The following MMRN2 variants were observed in gnomAD, a reference collection of about 807,000 sequenced individuals.
The protein encoded by MMRN2 is multimerin 2.
In MMRN2, 53 loss-of-function variants were observed where a neutral mutation model predicts 68.8. The ratio of observed to expected loss-of-function variants is 0.77; its 90% CI spans 0.62 to 0.97. The LOEUF (loss-of-function observed/expected upper bound fraction) is 0.97, where lower values mean the gene tolerates loss of function less well. MMRN2 is among the 50% of genes least tolerant of loss of function. The pLI is 0.00. For synonymous variants in MMRN2, 564 were observed against 551.6 expected (o/e 1.02, Z -0.32); for missense variants, 1,266 against 1,259.5 (o/e 1.01, Z -0.08).
Position 86,943,806 on chromosome 10 carries a change from G to C in MMRN2, c.978C>G (p.Ile326Met), listed in dbSNP as rs1844021440. 1.2e-6 allele frequency: 2 copies of C among 1,610,356 alleles called. No individual in the cohort carries two copies. Among genetic ancestry groups the C allele is most frequent in the Non-Finnish European group, 1.7e-6 (2 of 1,180,008 alleles). ...HAQHFTLHRS[I>M]SELQADVDTK... Reference sequence around the variant, plus strand: ...TGTCCACATCGGCTTGGAGCTCTGAGATCGAGCGGTGCAGGGTAAAGTGCT... The same window carrying C: ...TGTCCACATCGGCTTGGAGCTCTGACATCGAGCGGTGCAGGGTAAAGTGCT... Residue 326 changes from isoleucine (I) to methionine (M), a missense_variant, in exon 6 of 7, where the codon ATC becomes ATG. By Grantham distance (10) the Ile-to-Met change is conservative. Transcript: ENST00000372027. The surrounding 1 kb of genome is among the most constrained non-coding windows in gnomAD (Gnocchi z 4.2).
intron 6 of MMRN2, among the ~76,000 whole-genome samples, chr10:86,938,096 G>A (rs1311458088): frequency 6.6e-6 from 1 of 152,114 alleles, no homozygotes; most frequent in Non-Finnish European, 1.5e-5. Flanking sequence ...CATCATGCCT[G>A]GCTAATTTTT....
chr10:86,950,614 T>C (rs369387475), intron 1 of MMRN2, among the ~76,000 whole-genome samples: 164 of 152,242 alleles, frequency 1.1e-3, no homozygotes, highest in Non-Finnish European at 1.8e-3. Context: ...GCAGTTCACA[T>C]TGGAACACAC....
intron 5 of MMRN2, 42 bp from the exon 6 acceptor site, chr10:86,944,170 G>T: frequency 6.3e-7 from 1 of 1,599,618 alleles, no homozygotes; most frequent in South Asian, 1.1e-5. Flanking sequence ...TGCAGGAGCA[G>T]ACACTCCTCC....
At chr10:86,953,147 G>A (rs1564735056) in intron 1 of MMRN2, among the ~76,000 whole-genome samples, 2 of 152,084 alleles carry the variant, frequency 1.3e-5, no homozygotes, top group African/African-American at 4.8e-5. Context: ...AAGGTGCACT[G>A]ATATCATATT....
At chr10:86,942,018 G>C (rs993500235) in intron 6 of MMRN2, among the ~76,000 whole-genome samples, 1 of 152,062 alleles carries the variant, frequency 6.6e-6, no homozygotes, top group Non-Finnish European at 1.5e-5. Flanking sequence ...AGGAGGCGAT[G>C]CCCTCTCTGT....
chr10:86,936,475 C>T lies in MMRN2; in HGVS notation c.*268G>A, dbSNP rs943482028. The T allele has an allele frequency of 1.1e-4, 59 of 551,436 alleles. No individual in the cohort carries two copies. The highest frequency in any genetic ancestry group is 5.8e-4 in the African/African-American group (31 of 53,412). The allele number at this position is 551,436 out of a possible 1,614,324, so 34.2% of individuals were successfully genotyped here. On this transcript the variant is annotated 3_prime_UTR_variant, in exon 7 of 7. Transcript: ENST00000372027. ...TGTGGTGAAGAGTTGGAGCCCAGGC[C>T]GTGCTGTCTGAGAAGGCATGCCAAG...
chr10:86,951,142 C>A (rs566747859), intron 1 of MMRN2, among the ~76,000 whole-genome samples: 126 of 152,256 alleles, frequency 8.3e-4, no homozygotes, highest in Non-Finnish European at 1.3e-3. Flanking sequence ...CAAGCATGTT[C>A]TTTAGTGATA....
chr10:86,956,670 G>A (rs933302806), intron 1 of MMRN2, among the ~76,000 whole-genome samples: 17 of 152,226 alleles, frequency 1.1e-4, no homozygotes, highest in African/African-American at 3.9e-4. Flanking sequence ...GGGGCTGTTG[G>A]AGGGATGAAC....
At chr10:86,946,587 G>A (rs1321057650) in intron 1 of MMRN2, among the ~76,000 whole-genome samples, 1 of 152,162 alleles carries the variant, frequency 6.6e-6, no homozygotes, top group Admixed American at 6.5e-5. Flanking sequence ...TCCCAGGAGC[G>A]GGGGGACACT....
intron 1 of MMRN2, among the ~76,000 whole-genome samples, chr10:86,951,797 C>A (rs1234790882): frequency 6.6e-6 from 1 of 152,202 alleles, no homozygotes; most frequent in East Asian, 1.9e-4. Context: ...CCTGTAATCC[C>A]AGCACTTTGG....
intron 6 of MMRN2, among the ~76,000 whole-genome samples, chr10:86,940,680 T>C (rs1225530497): frequency 1.3e-5 from 2 of 152,212 alleles, no homozygotes; most frequent in Non-Finnish European, 2.9e-5. Flanking sequence ...TCTTGGGCCA[T>C]AGGGAGGGTC....
In MMRN2 at chr10:86,945,379, C is replaced by G. The variant is rs145900392; in HGVS notation, c.391G>C (p.Glu131Gln). 2 of 1,592,036 alleles carry G rather than the reference C, an allele frequency of 1.3e-6. No individual in the cohort carries two copies. Among genetic ancestry groups the G allele is most frequent in the Non-Finnish European group, 1.7e-6 (2 of 1,168,722 alleles). Reference protein sequence around the residue: ...CCPGYTGPNCEHHDSMAIPEP... With the variant: ...CCPGYTGPNCQHHDSMAIPEP... ...CCGCAGGGAGCCCTACCGTGGTGCT[C>G]GCAGTTGGGGCCCGTGTAGCCAGGG... is the stretch of plus-strand genomic sequence containing the variant. Residue 131 changes from glutamate to glutamine, a missense_variant, in exon 3 of 7, where the codon GAG (glutamate) becomes CAG (glutamine). Glu to Gln is a conservative substitution (Grantham distance 29). Coordinates refer to ENST00000372027, the MANE Select transcript of MMRN2 (RefSeq NM_024756.3).
intron 6 of MMRN2, among the ~76,000 whole-genome samples, chr10:86,941,135 G>T (rs78594290): frequency 0.065 from 9,859 of 152,254 alleles, 468 homozygotes; most frequent in South Asian, 0.092. Context: ...GGCCATTGTG[G>T]TAAAGCCCAG....
chr10:86,937,204 CCT>C (rs1843893279), intron 6 of MMRN2, 79 bp from the exon 7 acceptor site: 1 of 1,480,724 alleles, frequency 6.8e-7, no homozygotes, highest in African/African-American at 1.4e-5. Flanking sequence ...GACCTACCGT[CCT>C]CACCTTATTA....
intron 6 of MMRN2, among the ~76,000 whole-genome samples, chr10:86,939,833 G>T (rs376749783): frequency 0.036 from 4,583 of 126,300 alleles, 128 homozygotes; most frequent in Admixed American, 0.11. Flanking sequence ...GTGTGTGTGT[G>T]TGTGTTTGTG....
At chr10:86,953,641 G>T (rs1024569846) in intron 1 of MMRN2, among the ~76,000 whole-genome samples, 2 of 152,180 alleles carry the variant, frequency 1.3e-5, no homozygotes, top group African/African-American at 4.8e-5. Context: ...GCCCAAAGAT[G>T]CTGCCAAATA....
At chr10:86,942,183 G>A (rs1002058518) in intron 6 of MMRN2, 134 bp downstream of exon 6, 135 of 1,055,714 alleles carry the variant, frequency 1.3e-4, no homozygotes, top group East Asian at 2.4e-4. Flanking sequence ...GGGCCAAGGG[G>A]AAGGTGGACC....
chr10:86,942,744 G>T lies in MMRN2; in HGVS notation c.2040C>A (p.Pro680=). 1 of 1,406,210 alleles carries T rather than the reference G, an allele frequency of 7.1e-7. No individual in the cohort carries two copies. The highest frequency in any genetic ancestry group is 9.2e-7 in the Non-Finnish European group (1 of 1,088,364). 87.1% of individuals were successfully genotyped at this position (1,406,210 alleles called of 1,614,324 possible). ...EPPRPAEHLE[P]SHDAGREEAA... Reference sequence around the variant, plus strand: ...CCTCCTCGCGGCCCGCGTCGTGGCTGGGCTCCAGGTGCTCTGCCGGCCGCG... The same window carrying T: ...CCTCCTCGCGGCCCGCGTCGTGGCTTGGCTCCAGGTGCTCTGCCGGCCGCG... The change falls in exon 6 of 7, where the codon CCC becomes CCA. Residue 680 remains proline (P), a synonymous_variant. Transcript: ENST00000372027.
At chr10:86,957,083 C>G (rs1443891495) in intron 1 of MMRN2, among the ~76,000 whole-genome samples, 4 of 152,212 alleles carry the variant, frequency 2.6e-5, no homozygotes, top group African/African-American at 7.2e-5. Flanking sequence ...TGGCTTCAGC[C>G]ACAGTCCCCC....
Sources: gnomAD v4.1 joint callset for allele counts (sites outside exome capture counted in the v4.1 genomes callset) on GRCh38, gnomAD v4.1.1 for gene constraint, Gnocchi (gnomAD v3.1) non-coding constraint, MANE v1.5 for transcripts, NCBI Gene and HGNC (gene_info 2026-07-23, HGNC 2026-07-21) for gene names.